The following PTPRD variants were observed in gnomAD, a reference collection of about 807,000 sequenced individuals.
PTPRD encodes the protein receptor-type tyrosine-protein phosphatase delta.
PTPRD carries 34 observed loss-of-function variants against 214.5 expected under a neutral mutation model. That is an observed-to-expected ratio of 0.16 (90% CI 0.12 to 0.21). The LOEUF (loss-of-function observed/expected upper bound fraction) is 0.21, where lower values mean the gene tolerates loss of function less well. PTPRD is among the 10% of genes least tolerant of loss of function. PTPRD has a pLI of 1.00. For synonymous variants in PTPRD, 1,128 were observed against 845.7 expected (o/e 1.33, Z -5.79); for missense variants, 2,545 against 2,398.7 (o/e 1.06, Z -1.27).
chr9:8,426,215 G>A (rs1389387086), intron 35 of PTPRD, among the ~76,000 whole-genome samples: 1 of 152,168 alleles, frequency 6.6e-6, no homozygotes, highest in Non-Finnish European at 1.5e-5. Flanking sequence ...ACAGTCTCAT[G>A]GGTAGATACT....
chr9:9,611,046 TTCTC>T (rs2154345009), intron 7 of PTPRD, among the ~76,000 whole-genome samples: 1 of 152,312 alleles, frequency 6.6e-6, no homozygotes, highest in African/African-American at 2.4e-5. Context: ...TTGTGTGTAA[TTCTC>T]TCTTTTAACA....
At chr9:9,728,678 G>A (rs1282005729) in intron 7 of PTPRD, among the ~76,000 whole-genome samples, 3 of 152,012 alleles carry the variant, frequency 2.0e-5, no homozygotes, top group African/African-American at 4.8e-5. Context: ...AGATACAGTG[G>A]CTCCTTTAAT....
At chr9:8,920,676 G>A (rs1418020559) in intron 11 of PTPRD, among the ~76,000 whole-genome samples, 1 of 152,172 alleles carries the variant, frequency 6.6e-6, no homozygotes. Flanking sequence ...AGACCAATGG[G>A]CTGCGGCCCA....
intron 4 of PTPRD, among the ~76,000 whole-genome samples, chr9:9,960,230 A>G (rs2094260639): frequency 6.6e-6 from 1 of 152,066 alleles, no homozygotes; most frequent in South Asian, 2.1e-4. Context: ...TTGAAAAAAA[A>G]AAAAAAATAG....
chr9:9,435,026 A>T (rs994120810), intron 8 of PTPRD, among the ~76,000 whole-genome samples: 2 of 151,890 alleles, frequency 1.3e-5, no homozygotes, highest in African/African-American at 4.8e-5. Flanking sequence ...TTAAGAATCA[A>T]GTTATGGAGT....
chr9:8,374,660 T>C (rs1348191173), intron 39 of PTPRD, among the ~76,000 whole-genome samples: 3 of 152,018 alleles, frequency 2.0e-5, no homozygotes, highest in Admixed American at 1.3e-4. Flanking sequence ...TAACCCAACA[T>C]ACTGTTGTTA....
chr9:9,967,844 C>G (rs906413708), intron 4 of PTPRD, among the ~76,000 whole-genome samples: 13 of 151,870 alleles, frequency 8.6e-5, no homozygotes, highest in South Asian at 4.2e-4. Context: ...CATACCATAC[C>G]TGAGAAATAG....
intron 14 of PTPRD, among the ~76,000 whole-genome samples, chr9:8,619,246 C>T (rs2154298660): frequency 6.6e-6 from 1 of 152,064 alleles, no homozygotes; most frequent in East Asian, 1.9e-4. Context: ...TTCAAGAATA[C>T]AAAACATTAT....
At chr9:10,063,344 C>A (rs1048189574) in intron 3 of PTPRD, among the ~76,000 whole-genome samples, 1 of 151,956 alleles carries the variant, frequency 6.6e-6, no homozygotes, top group Non-Finnish European at 1.5e-5. Context: ...TCCCACTATA[C>A]ATATCAGTTG....
At chr9:9,636,012 G>A (rs1593715506) in intron 7 of PTPRD, among the ~76,000 whole-genome samples, 1 of 152,102 alleles carries the variant, frequency 6.6e-6, no homozygotes, top group East Asian at 1.9e-4. Context: ...TATATGTAAG[G>A]CTTTCTCCAG....
intron 2 of PTPRD, among the ~76,000 whole-genome samples, chr9:10,483,015 C>A (rs983325382): frequency 1.3e-5 from 2 of 152,080 alleles, no homozygotes; most frequent in Admixed American, 6.5e-5. Flanking sequence ...CTGGAGGCAT[C>A]GTATGACTCA....
chr9:9,520,064 T>C (rs1054563643), intron 8 of PTPRD, among the ~76,000 whole-genome samples: 1 of 151,990 alleles, frequency 6.6e-6, no homozygotes, highest in African/African-American at 2.4e-5. Flanking sequence ...AGTTCAAATA[T>C]TGGAACTTTT....
At chr9:9,434,702 C>G (rs910915335) in intron 8 of PTPRD, among the ~76,000 whole-genome samples, 3 of 151,830 alleles carry the variant, frequency 2.0e-5, no homozygotes, top group Non-Finnish European at 4.4e-5. Flanking sequence ...ACAGAGAACC[C>G]AGAAATATAT....
chr9:9,073,816 A>C (rs1436894494), intron 10 of PTPRD, among the ~76,000 whole-genome samples: 14 of 139,134 alleles, frequency 1.0e-4, no homozygotes, highest in Non-Finnish European at 1.9e-4. Flanking sequence ...AGCTGAACTA[A>C]ATGCCAGTTC....
At chr9:8,908,169 T>C (rs923170971) in intron 11 of PTPRD, among the ~76,000 whole-genome samples, 11 of 152,060 alleles carry the variant, frequency 7.2e-5, no homozygotes, top group Admixed American at 5.9e-4. Context: ...GCTGAAAAAA[T>C]GTCTACCAAG....
In PTPRD at chr9:8,524,645, C is replaced by T. The variant is rs2097968896; in HGVS notation, c.679+280G>A. 16 of 492,176 alleles carry T rather than the reference C, an allele frequency of 3.3e-5. No individual in the cohort carries two copies. The South Asian group carries it at 3.5e-4, about 11-fold the overall frequency. 30.5% of individuals were successfully genotyped at this position (492,176 alleles called of 1,614,324 possible). On this transcript the variant is annotated intron_variant, in intron 18 of 45. Transcript: ENST00000381196. ...AAGAAAACCTCAAACAAATGCAAAG[C>T]ACAGTTCAATCAATACAGTAAAAAT...
chr9:8,833,761 T>TTA (rs1185531267), intron 11 of PTPRD, among the ~76,000 whole-genome samples: 2 of 143,800 alleles, frequency 1.4e-5, no homozygotes, highest in South Asian at 2.2e-4. Flanking sequence ...TCTATATATA[T>TTA]TATATATATG....
intron 11 of PTPRD, among the ~76,000 whole-genome samples, chr9:8,809,038 G>T (rs1600493602): frequency 1.3e-5 from 2 of 152,250 alleles, no homozygotes; most frequent in East Asian, 3.9e-4. Flanking sequence ...CCACTGTCCA[G>T]TGAAACTAAC....
intron 5 of PTPRD, among the ~76,000 whole-genome samples, chr9:9,812,012 A>C (rs1410093710): frequency 6.6e-6 from 1 of 152,178 alleles, no homozygotes; most frequent in Non-Finnish European, 1.5e-5. Flanking sequence ...TACCACCCTG[A>C]TCAGTTAGCA....
Sources: allele counts gnomAD v4.1 joint callset (sites outside exome capture counted in the v4.1 genomes callset), GRCh38; gene constraint gnomAD v4.1.1; transcripts MANE v1.5; gene names NCBI Gene and HGNC (gene_info 2026-07-23, HGNC 2026-07-21).